Variants in USP13 observed in about 807,000 individuals in gnomAD.
USP13 encodes the protein ubiquitin specific peptidase 13.
Under a neutral mutation model 107.8 loss-of-function variants are expected in USP13, and 68 were observed. The observed-to-expected ratio is 0.63, with a 90% CI of 0.52 to 0.77. The LOEUF (loss-of-function observed/expected upper bound fraction) is 0.77, where lower values mean the gene tolerates loss of function less well. Ranked by LOEUF, USP13 falls within the 30% of genes least tolerant of loss-of-function variation. The pLI is 0.00. For missense variants in USP13, 945 were observed against 1,093.3 expected (o/e 0.86, Z 1.91); for synonymous variants, 377 against 389.5 (o/e 0.97, Z 0.38).
intron 3 of USP13, among the ~76,000 whole-genome samples, chr3:179,691,653 T>A (rs1008102228): frequency 3.3e-5 from 5 of 152,328 alleles, no homozygotes; most frequent in Middle Eastern, 3.4e-3. Flanking sequence ...AGAAATATTT[T>A]GAGAGTGATA....
At chr3:179,777,298 A>G (rs924009027) in intron 19 of USP13, among the ~76,000 whole-genome samples, 4 of 151,874 alleles carry the variant, frequency 2.6e-5, no homozygotes, top group African/African-American at 7.3e-5. Context: ...CTGTGTTGGT[A>G]TCTGTGCTTT....
At chr3:179,727,204 TTTCTCGCAGAGGG>T in intron 8 of USP13, among the ~76,000 whole-genome samples, 1 of 142,984 alleles carries the variant, frequency 7.0e-6, no homozygotes, top group South Asian at 2.4e-4. Flanking sequence ...TTCTTGGGTG[TTTCTCGCAGAGGG>T]GGATTTGGCA....
chr3:179,764,282 TCTAA>T lies in USP13; in HGVS notation c.2259+117_2259+120del, dbSNP rs1715105084. 7.8e-6 allele frequency: 11 copies of T among 1,407,014 alleles called. No homozygotes were observed. In the East Asian group the frequency reaches 1.5e-4, roughly 19 times the overall value. 87.2% of individuals were successfully genotyped at this position (1,407,014 alleles called of 1,614,324 possible). ...ATCATTTTGATTCATGTTTGATTCATCTAACTGTGAATCTCATCATAGCCCATAA... is the reference window on the plus strand; with the variant it reads ...ATCATTTTGATTCATGTTTGATTCATCTGTGAATCTCATCATAGCCCATAA... On this transcript the variant is annotated intron_variant, in intron 18 of 20. Coordinates refer to ENST00000263966, the MANE Select transcript of USP13 (RefSeq NM_003940.3).
chr3:179,750,326 G>GTGTGTGTATATATATA (rs1553797370), intron 13 of USP13, among the ~76,000 whole-genome samples: 1 of 75,828 alleles, frequency 1.3e-5, no homozygotes, highest in South Asian at 5.4e-4. Context: ...ATATATGTGT[G>GTGTGTGTATATATATA]TATATATATA....
rs578056139 is a variant in USP13, at chr3:179,713,658, T to C, written c.805+4701T>C. ...AGGGCATTTGTTTTTTAGTTCATAATGAGAGCCACAACTGCCAGTAAGTAG... is the reference window on the plus strand; with the variant it reads ...AGGGCATTTGTTTTTTAGTTCATAACGAGAGCCACAACTGCCAGTAAGTAG... On this transcript the variant is annotated intron_variant, in intron 6 of 20. Transcript: ENST00000263966. Among the ~76,000 whole-genome samples, 4 of 152,280 alleles carry C rather than the reference T, an allele frequency of 2.6e-5. No individual in the cohort carries two copies. The South Asian group carries it at 8.3e-4, about 32-fold the overall frequency.
Position 179,788,223 on chromosome 3 carries a change from C to G in USP13, c.*4082C>G, listed in dbSNP as rs189683316. On this transcript the variant is annotated 3_prime_UTR_variant, in exon 21 of 21. Coordinates refer to ENST00000263966, the MANE Select transcript of USP13 (RefSeq NM_003940.3). The stretch of plus-strand genomic sequence containing the variant: ...CCTTCTGTGGGGAGATGGCAGGGGG[C>G]AGGGGCAGGACCAGGGGATGGGATT... 1 of 152,366 alleles carries G rather than the reference C, an allele frequency of 6.6e-6. No homozygotes were observed. Among genetic ancestry groups the G allele is most frequent in the East Asian group, 1.9e-4 (1 of 5,176 alleles). 9.4% of individuals were successfully genotyped at this position (152,366 alleles called of 1,614,324 possible).
At chr3:179,708,149 T>A (rs951362838) in intron 5 of USP13, among the ~76,000 whole-genome samples, 3 of 152,176 alleles carry the variant, frequency 2.0e-5, no homozygotes, top group Non-Finnish European at 1.5e-5. Flanking sequence ...TTGTCCCTCA[T>A]AGAGGAGTTT....
intron 18 of USP13, among the ~76,000 whole-genome samples, chr3:179,765,059 C>A (rs1485700154): frequency 1.3e-5 from 2 of 152,182 alleles, no homozygotes; most frequent in East Asian, 3.8e-4. Flanking sequence ...AATTCTTTAA[C>A]CTGCCAGAAA....
chr3:179,722,253 G>A (rs773581675), intron 8 of USP13, among the ~76,000 whole-genome samples: 1 of 152,222 alleles, frequency 6.6e-6, no homozygotes, highest in East Asian at 1.9e-4. Flanking sequence ...GGTCTGGTTA[G>A]TGTCTCTCTT....
At chr3:179,766,065 C>T (rs1285123638) in intron 19 of USP13, among the ~76,000 whole-genome samples, 3 of 152,054 alleles carry the variant, frequency 2.0e-5, no homozygotes, top group Non-Finnish European at 2.9e-5. Flanking sequence ...CTGCAACCTC[C>T]GCCTCCCAGG....
intron 9 of USP13, 75 bp from the exon 10 acceptor site, chr3:179,730,541 A>G: frequency 8.1e-7 from 1 of 1,233,296 alleles, no homozygotes; most frequent in South Asian, 1.4e-5. Flanking sequence ...ACTTATTGAT[A>G]TTCATAGATA....
At chr3:179,782,594 T>C (rs1376651074) in intron 20 of USP13, among the ~76,000 whole-genome samples, 1 of 152,160 alleles carries the variant, frequency 6.6e-6, no homozygotes, top group African/African-American at 2.4e-5. Context: ...GCTCAGGCCA[T>C]GTGGATGCTG....
chr3:179,694,155 TG>T (rs1451156208), intron 3 of USP13, among the ~76,000 whole-genome samples: 1 of 151,950 alleles, frequency 6.6e-6, no homozygotes, highest in Non-Finnish European at 1.5e-5. Context: ...TGTATTTTTC[TG>T]TGAAGACAGG....
intron 6 of USP13, among the ~76,000 whole-genome samples, chr3:179,709,492 C>T (rs1013976035): frequency 2.0e-5 from 3 of 152,350 alleles, no homozygotes; most frequent in East Asian, 1.9e-4. Context: ...TGTTCACATT[C>T]TCCGGGGGAT....
chr3:179,777,790 G>C (rs1053431008), intron 19 of USP13, among the ~76,000 whole-genome samples: 16 of 152,044 alleles, frequency 1.1e-4, no homozygotes, highest in African/African-American at 3.9e-4. Flanking sequence ...TTAGAGAGCA[G>C]CCACATTTTT....
chr3:179,737,115 T>A (rs1714020876), intron 10 of USP13, among the ~76,000 whole-genome samples: 3 of 151,484 alleles, frequency 2.0e-5, no homozygotes, highest in Non-Finnish European at 2.9e-5. Flanking sequence ...ATGCAGACTC[T>A]TGATGTGTTG....
chr3:179,730,739 A>G (rs1713775447), intron 10 of USP13, 30 bp downstream of exon 10: 1 of 1,600,934 alleles, frequency 6.2e-7, no homozygotes, highest in Non-Finnish European at 8.6e-7. Flanking sequence ...CCATGTTGAC[A>G]TGTAGGTAGG....
intron 10 of USP13, 98 bp downstream of exon 10, chr3:179,730,807 C>T: frequency 9.1e-7 from 1 of 1,103,800 alleles, no homozygotes. Flanking sequence ...ATAAATTTAG[C>T]AAGCTGTCAG....
chr3:179,670,081 C>T (rs925311090), intron 1 of USP13, among the ~76,000 whole-genome samples: 2 of 152,292 alleles, frequency 1.3e-5, no homozygotes, highest in South Asian at 2.1e-4. Flanking sequence ...AGTAGCCAAG[C>T]CTTTTCTGGA....
Sources: gnomAD v4.1 joint callset for allele counts (sites outside exome capture counted in the v4.1 genomes callset) on GRCh38, gnomAD v4.1.1 for gene constraint, MANE v1.5 for transcripts, NCBI Gene and HGNC (gene_info 2026-07-23, HGNC 2026-07-21) for gene names.